CACNB2: variants seen among roughly 807,000 people sequenced by gnomAD.
CACNB2 encodes the protein voltage-dependent L-type calcium channel subunit beta-2.
CACNB2 carries 42 observed loss-of-function variants against 73.3 expected under a neutral mutation model. The ratio of observed to expected loss-of-function variants is 0.57; its 90% confidence interval spans 0.45 to 0.74. The LOEUF (loss-of-function observed/expected upper bound fraction) is 0.74. Among genes scored for constraint, CACNB2 ranks in the 30% least tolerant of loss-of-function variants. CACNB2 has a pLI of 0.00. For missense variants in CACNB2, 940 were observed against 853.0 expected, an observed-to-expected ratio of 1.10 and a Z score of -1.27; for synonymous variants, 348 against 310.3, an observed-to-expected ratio of 1.12 and a Z score of -1.28.
intron 2 of CACNB2, chr10:18,260,956 T>C: frequency 7.7e-7 from 1 of 1,295,224 alleles, no homozygotes. Context: ...TAACTCTGTG[T>C]TAGCAATACT....
intron 3 of CACNB2, among the ~76,000 whole-genome samples, chr10:18,471,919 C>G (rs1198873229): frequency 2.0e-5 from 3 of 152,174 alleles, no homozygotes; most frequent in Non-Finnish European, 4.4e-5. Context: ...ATCCTAACAT[C>G]ACTAGGCATT....
At chr10:18,289,284 G>GTTTTTTTTTTTTTTTTTTTTTTTTTT (rs1489491866) in intron 2 of CACNB2, among the ~76,000 whole-genome samples, 3 of 85,568 alleles carry the variant, frequency 3.5e-5, no homozygotes, top group African/African-American at 5.8e-5. Context: ...TTTTTTTCTT[G>GTTTTTTTTTTTTTTTTTTTTTTTTTT]TTTTTTTGTT....
In CACNB2 at chr10:18,209,635, A is replaced by C. The variant is rs139888007; in HGVS notation, c.213+58660A>C. ...GAAGAATTGACTATATTAGCTATTG[A>C]TTTTTTTTTATATGTAGCATACCCA... On this transcript the variant is annotated intron_variant, in intron 2 of 13. Transcript: ENST00000324631. 1.4e-4 allele frequency among the ~76,000 whole-genome samples: 21 copies of C among 151,498 alleles called. No homozygotes were observed. In the East Asian group the frequency reaches 2.9e-3, roughly 21 times the overall value.
intron 2 of CACNB2, among the ~76,000 whole-genome samples, chr10:18,373,193 G>C (rs149625853): frequency 6.6e-6 from 1 of 152,182 alleles, no homozygotes; most frequent in East Asian, 1.9e-4. Flanking sequence ...CTTTTTGAGG[G>C]TTCCTATTAT....
At position 18,514,272 on chromosome 10, in the gene CACNB2, A is replaced by G. The variant is rs955910575; in HGVS notation, c.707A>G (p.Glu236Gly). Reference sequence around the variant, plus strand: ...GATGCTACTGGCTTAGATGCAGAAGAAAATGATATTCCAGCAAACCACCGC... The same window carrying G: ...GATGCTACTGGCTTAGATGCAGAAGGAAATGATATTCCAGCAAACCACCGC... ...DIDATGLDAE[E>G]NDIPANHRSP... Residue 236 changes from glutamate (E) to glycine (G), a missense_variant, in exon 7 of 14, where the codon GAA becomes GGA. Glu to Gly is a moderately conservative substitution (Grantham distance 98). Transcript: ENST00000324631. The G allele has an allele frequency of 1.2e-6, 2 of 1,614,034 alleles. No individual in the cohort carries two copies. The highest frequency in any genetic ancestry group is 1.3e-5 in the African/African-American group (1 of 74,934).
intron 3 of CACNB2, among the ~76,000 whole-genome samples, chr10:18,471,484 C>A (rs1314672402): frequency 6.6e-6 from 1 of 152,152 alleles, no homozygotes; most frequent in Non-Finnish European, 1.5e-5. Flanking sequence ...TTGTCAGTAT[C>A]ATTTTCTGCA....
intron 3 of CACNB2, among the ~76,000 whole-genome samples, chr10:18,481,628 A>G (rs1003464046): frequency 3.3e-5 from 5 of 151,980 alleles, no homozygotes; most frequent in African/African-American, 1.2e-4. Context: ...CCATCAATCA[A>G]TCACACCTAG....
chr10:18,402,107 G>C (rs2044032422), intron 3 of CACNB2, 64 bp downstream of exon 3: 1 of 1,553,860 alleles, frequency 6.4e-7, no homozygotes, highest in African/African-American at 1.4e-5. Context: ...TAGACCACCT[G>C]TGGGAGTTTC....
intron 2 of CACNB2, among the ~76,000 whole-genome samples, chr10:18,189,392 A>G (rs2034296273): frequency 6.6e-6 from 1 of 152,208 alleles, no homozygotes; most frequent in Non-Finnish European, 1.5e-5. Flanking sequence ...GTAAGTTTAC[A>G]TTCTTCCAGA....
At chr10:18,385,232 G>A (rs965936888) in intron 2 of CACNB2, among the ~76,000 whole-genome samples, 12 of 151,562 alleles carry the variant, frequency 7.9e-5, no homozygotes, top group South Asian at 2.1e-4. Context: ...GCAGTGAGCC[G>A]AGATTATGCC....
intron 7 of CACNB2, among the ~76,000 whole-genome samples, chr10:18,515,396 G>T (rs544529554): frequency 6.6e-6 from 1 of 151,778 alleles, no homozygotes; most frequent in Admixed American, 6.6e-5. Flanking sequence ...TACTAATGTC[G>T]CCAAGTCTGG....
At chr10:18,231,043 T>C (rs1210992202) in intron 2 of CACNB2, among the ~76,000 whole-genome samples, 1 of 152,218 alleles carries the variant, frequency 6.6e-6, no homozygotes, top group Non-Finnish European at 1.5e-5. Flanking sequence ...GTGTTTTGTG[T>C]ATTCTAATAG....
At chr10:18,241,620 G>T (rs2036654940) in intron 2 of CACNB2, among the ~76,000 whole-genome samples, 1 of 151,712 alleles carries the variant, frequency 6.6e-6, no homozygotes, top group Non-Finnish European at 1.5e-5. Context: ...CTATAAAGAG[G>T]TACATGGGAA....
chr10:18,144,471 A>G (rs997567873), intron 1 of CACNB2, among the ~76,000 whole-genome samples: 2 of 152,234 alleles, frequency 1.3e-5, no homozygotes, highest in African/African-American at 4.8e-5. Context: ...ATTGCTTTTT[A>G]GGTAACCTGT....
At chr10:18,211,130 G>A (rs1390765582) in intron 2 of CACNB2, among the ~76,000 whole-genome samples, 3 of 152,166 alleles carry the variant, frequency 2.0e-5, no homozygotes, top group Non-Finnish European at 4.4e-5. Flanking sequence ...CAGACTTGGA[G>A]GCGGAGGGCT....
intron 3 of CACNB2, among the ~76,000 whole-genome samples, chr10:18,440,135 T>A (rs1233778287): frequency 6.6e-6 from 1 of 152,118 alleles, no homozygotes; most frequent in Admixed American, 6.5e-5. Context: ...TGTGTCTTCA[T>A]GTGGGAGAGG....
chr10:18,317,313 G>A (rs1183673218), intron 2 of CACNB2, among the ~76,000 whole-genome samples: 1 of 151,668 alleles, frequency 6.6e-6, no homozygotes, highest in East Asian at 1.9e-4. Flanking sequence ...ACTGTATGAC[G>A]CTGAGGTTTG....
In CACNB2 at chr10:18,401,986, G is replaced by A. The variant is rs770636823; in HGVS notation, c.276G>A (p.Arg92=). Residue 92 remains arginine, a synonymous_variant, in exon 3 of 14, where the codon CGG becomes CGA. Coordinates refer to ENST00000324631, the MANE Select transcript of CACNB2 (RefSeq NM_201596.3). ...CCGATGTATCTCTGGAGGAGGACCGGGAGGCAGTGCGCAGAGAAGCGGAGC... is the reference window on the plus strand; with the variant it reads ...CCGATGTATCTCTGGAGGAGGACCGAGAGGCAGTGCGCAGAGAAGCGGAGC... ...SDSDVSLEED[R]EAVRREAERQ... 1 of 1,614,066 alleles carries A rather than the reference G, an allele frequency of 6.2e-7. No homozygotes were observed. The highest frequency in any genetic ancestry group is 8.5e-7 in the Non-Finnish European group (1 of 1,179,932).
chr10:18,341,799 G>C (rs1270367878), intron 2 of CACNB2, among the ~76,000 whole-genome samples: 1 of 152,076 alleles, frequency 6.6e-6, no homozygotes, highest in African/African-American at 2.4e-5. Flanking sequence ...TGCTTGCTAG[G>C]AAATATCTTT....
Sources: gnomAD v4.1 joint callset for allele counts (sites outside exome capture counted in the v4.1 genomes callset) on GRCh38, gnomAD v4.1.1 for gene constraint, MANE v1.5 for transcripts, NCBI Gene and HGNC (gene_info 2026-07-23, HGNC 2026-07-21) for gene names.